Variants in ITSN1 observed in about 807,000 individuals in gnomAD.
ITSN1 encodes the protein intersectin 1.
A neutral mutation model predicts 239.8 loss-of-function variants in ITSN1; 58 were observed. That is an observed-to-expected ratio of 0.24 (90% CI 0.20 to 0.30). The LOEUF (loss-of-function observed/expected upper bound fraction) is 0.30, where lower values mean the gene tolerates loss of function less well. ITSN1 is among the 10% of genes least tolerant of loss of function. The probability of loss-of-function intolerance (pLI) is 1.00; values close to 1 mark genes in which losing one functional copy is unlikely to be tolerated. For synonymous variants in ITSN1, 780 were observed against 770.8 expected, an observed-to-expected ratio of 1.01 and a Z score of -0.20; for missense variants, 1,558 against 2,103.3, an observed-to-expected ratio of 0.74 and a Z score of 5.07.
intron 14 of ITSN1, among the ~76,000 whole-genome samples, chr21:33,780,101 C>G (rs1332163718): frequency 6.6e-6 from 1 of 152,104 alleles, no homozygotes; most frequent in Non-Finnish European, 1.5e-5. Flanking sequence ...GTGTATTTTT[C>G]TATGTGTTAA....
intron 16 of ITSN1, among the ~76,000 whole-genome samples, chr21:33,793,744 C>T (rs572816447): frequency 6.6e-6 from 1 of 152,110 alleles, no homozygotes; most frequent in South Asian, 2.1e-4. Flanking sequence ...GGGCAGTTAG[C>T]GACTTGAAGG....
chr21:33,806,976 G>A (rs558145639), intron 20 of ITSN1, among the ~76,000 whole-genome samples: 8 of 152,176 alleles, frequency 5.3e-5, no homozygotes, highest in Admixed American at 2.6e-4. Context: ...GTTGACCTTT[G>A]TGCCCTTTCT....
chr21:33,690,165 C>A (rs1360988999), intron 1 of ITSN1, among the ~76,000 whole-genome samples: 1 of 151,726 alleles, frequency 6.6e-6, no homozygotes, highest in East Asian at 1.9e-4. Flanking sequence ...GTAGTCCCAG[C>A]TATTCAGGAG....
chr21:33,817,298 C>G (rs761504912), intron 22 of ITSN1: 1 of 1,304,260 alleles, frequency 7.7e-7, no homozygotes, highest in Non-Finnish European at 1.0e-6. Flanking sequence ...CTTCTCTTCC[C>G]GGACCCCCTG....
intron 20 of ITSN1, among the ~76,000 whole-genome samples, chr21:33,806,484 G>A (rs957972474): frequency 6.6e-6 from 1 of 152,224 alleles, no homozygotes. Flanking sequence ...TGGCAGCCAT[G>A]GAGCATATAA....
chr21:33,848,539 C>T (rs2075055112), intron 29 of ITSN1, among the ~76,000 whole-genome samples: 1 of 152,208 alleles, frequency 6.6e-6, no homozygotes, highest in Non-Finnish European at 1.5e-5. Context: ...GGGTCAGACT[C>T]CCTCTGCCAT....
At chr21:33,878,214 G>T (rs550637174) in intron 34 of ITSN1, among the ~76,000 whole-genome samples, 17 of 151,704 alleles carry the variant, frequency 1.1e-4, no homozygotes, top group Middle Eastern at 6.8e-3. Context: ...TATTTTTTTT[G>T]TAGAGACAAG....
intron 1 of ITSN1, among the ~76,000 whole-genome samples, chr21:33,685,857 A>G (rs1024530971): frequency 2.6e-5 from 4 of 152,202 alleles, no homozygotes; most frequent in African/African-American, 7.2e-5. Context: ...TCTGCATTTC[A>G]AGTGGTTTTA....
intron 11 of ITSN1, among the ~76,000 whole-genome samples, chr21:33,771,062 A>C (rs1374364541): frequency 6.6e-6 from 1 of 152,128 alleles, no homozygotes; most frequent in Non-Finnish European, 1.5e-5. Context: ...CACTGCACCC[A>C]GCCAGGACTT....
intron 11 of ITSN1, among the ~76,000 whole-genome samples, chr21:33,770,850 G>GC (rs914940025): frequency 3.4e-5 from 5 of 147,956 alleles, no homozygotes; most frequent in African/African-American, 1.3e-4. Flanking sequence ...TGCAACCTCT[G>GC]CCTCTCAGCT....
rs903087183 is a variant in ITSN1 at position 33,761,795 on chromosome 21, C to T, written c.725-128C>T. ...TTTTACAAAGCCCCTGCGGTAGTAG[C>T]AAATGTTATTTAAAGCATTGTGATT... is the stretch of plus-strand genomic sequence containing the variant. On this transcript the variant is annotated intron_variant, in intron 8 of 39. Coordinates refer to ENST00000381318, the MANE Select transcript of ITSN1 (RefSeq NM_003024.3). 8 of 672,612 alleles carry T rather than the reference C, an allele frequency of 1.2e-5. No homozygotes were observed. The East Asian group carries it at 1.7e-4, about 15-fold the overall frequency. The allele number at this position is 672,612 out of a possible 1,614,324, so 41.7% of individuals were successfully genotyped here.
At chr21:33,723,341 G>A (rs1034832744) in intron 4 of ITSN1, among the ~76,000 whole-genome samples, 3 of 152,166 alleles carry the variant, frequency 2.0e-5, no homozygotes, top group Admixed American at 6.5e-5. Context: ...TAGGCTGGGC[G>A]CGGTGGCTCA....
At chr21:33,667,500 G>A (rs976892995) in intron 1 of ITSN1, among the ~76,000 whole-genome samples, 2 of 152,104 alleles carry the variant, frequency 1.3e-5, no homozygotes, top group African/African-American at 4.8e-5. Flanking sequence ...CATCTTTACT[G>A]CTTCAGAGGT....
In ITSN1 at chr21:33,856,723, TTG is replaced by T. The variant is rs141163237; in HGVS notation, c.3662-9_3662-8del. 128,330 of 1,613,402 alleles carry T rather than the reference TTG, an allele frequency of 0.08. 5,638 individuals are homozygous for T. Among genetic ancestry groups the T allele is most frequent in the Non-Finnish European group, 0.092 (108,260 of 1,179,574 alleles). ...GACTGTGCTAAGTTCTCCCAAATGG[TTG>T]TGTTTTCCAGGGTGTTCAGACTTAC... On this transcript the variant is annotated splice_polypyrimidine_tract_variant and intron_variant, in intron 29 of 39. Transcript: ENST00000381318.
chr21:33,804,123 A>G (rs143939870), intron 20 of ITSN1, among the ~76,000 whole-genome samples: 170 of 152,282 alleles, frequency 1.1e-3, no homozygotes, highest in African/African-American at 3.9e-3. Context: ...GGGTTCACTT[A>G]TACTTTTGTG....
chr21:33,797,305 T>C lies in ITSN1; in HGVS notation c.1953-74T>C. Reference sequence around the variant, plus strand: ...CATCCCATTTACTGGATGGAGCTTTTTTTGTGAAAAGAGGCAACAGTAGTG... The same window carrying C: ...CATCCCATTTACTGGATGGAGCTTTCTTTGTGAAAAGAGGCAACAGTAGTG... On this transcript the variant is annotated intron_variant, in intron 17 of 39. Coordinates refer to ENST00000381318, the MANE Select transcript of ITSN1 (RefSeq NM_003024.3). The surrounding 1 kb of genome is among the most constrained non-coding windows in gnomAD (Gnocchi z 4.9). The C allele has an allele frequency of 7.6e-7, 1 of 1,318,856 alleles. No homozygotes were observed. The highest frequency in any genetic ancestry group is 1.1e-6 in the Non-Finnish European group (1 of 926,156). The allele number at this position is 1,318,856 out of a possible 1,614,324, so 81.7% of individuals were successfully genotyped here.
chr21:33,783,920 A>T (rs1263050832), intron 16 of ITSN1, among the ~76,000 whole-genome samples: 1 of 152,160 alleles, frequency 6.6e-6, no homozygotes, highest in Non-Finnish European at 1.5e-5. Flanking sequence ...AAGATTAAAT[A>T]ATTTTGGTGA....
chr21:33,696,716 T>A (rs909955106), intron 1 of ITSN1, among the ~76,000 whole-genome samples: 2 of 152,242 alleles, frequency 1.3e-5, no homozygotes, highest in African/African-American at 4.8e-5. Flanking sequence ...CCTACTTTCT[T>A]GCCCTTTTCG....
intron 4 of ITSN1, among the ~76,000 whole-genome samples, chr21:33,728,437 G>A (rs1431967727): frequency 6.6e-6 from 1 of 150,664 alleles, no homozygotes; most frequent in Non-Finnish European, 1.5e-5. Flanking sequence ...ACCATGTTGG[G>A]CAGGATGGTC....
Sources: allele counts gnomAD v4.1 joint callset (sites outside exome capture counted in the v4.1 genomes callset), GRCh38; gene constraint gnomAD v4.1.1; non-coding constraint Gnocchi (gnomAD v3.1); transcripts MANE v1.5; gene names NCBI Gene and HGNC (gene_info 2026-07-23, HGNC 2026-07-21).